Variants in GPC3 observed in about 807,000 individuals in gnomAD.
GPC3 encodes the protein glypican 3, also known as glypican-3.
A neutral mutation model predicts 34.4 loss-of-function variants in GPC3; 3 were observed. The observed-to-expected ratio is 0.09, with a 90% CI of 0.04 to 0.23. The LOEUF (loss-of-function observed/expected upper bound fraction) is 0.23. Among genes scored for constraint, GPC3 ranks in the 10% least tolerant of loss-of-function variants. GPC3 has a pLI of 1.00. For synonymous variants in GPC3, 177 were observed against 174.0 expected (o/e 1.02, Z -0.13); for missense variants, 351 against 445.6 (o/e 0.79, Z 1.91).
rs186738598 is a variant in GPC3 at position 133,960,491 on chromosome X, A to G, written c.176-7280T>C. ...TTTTAGTTAATAACTACAAATTGTC[A>G]AAAATCACATTAAAGAACAGAAAAA... On this transcript the variant is annotated intron_variant, in intron 1 of 7. Coordinates refer to ENST00000370818, the MANE Select transcript of GPC3 (RefSeq NM_004484.4). Among the ~76,000 whole-genome samples the G allele has an allele frequency of 6.5e-4, 73 of 112,042 alleles. No homozygotes were observed. The East Asian group carries it at 0.019, about 29-fold the overall frequency.
intron 2 of GPC3, among the ~76,000 whole-genome samples, chrX:133,930,343 C>A (rs983698534): frequency 2.7e-5 from 3 of 112,049 alleles, no homozygotes; most frequent in African/African-American, 9.7e-5. Context: ...CACAGGACAA[C>A]CTCCATGACA....
chrX:133,714,020 A>AT (rs2071293473), intron 3 of GPC3, among the ~76,000 whole-genome samples: 1 of 112,586 alleles, frequency 8.9e-6, no homozygotes, highest in Non-Finnish European at 1.9e-5. Flanking sequence ...TGTAAGATAG[A>AT]TTTTAACATA....
At chrX:133,948,969 C>T (rs2076381239) in intron 2 of GPC3, among the ~76,000 whole-genome samples, 1 of 112,100 alleles carries the variant, frequency 8.9e-6, no homozygotes, top group South Asian at 3.7e-4. Context: ...CTAGATAATG[C>T]ATGCATATGG....
chrX:133,826,742 T>A (rs1352655220), intron 2 of GPC3, among the ~76,000 whole-genome samples: 2 of 111,104 alleles, frequency 1.8e-5, no homozygotes, highest in African/African-American at 6.5e-5. Context: ...CCTAGACACA[T>A]CATAATGAAA....
chrX:133,597,478 C>T (rs1229523433), intron 6 of GPC3, among the ~76,000 whole-genome samples: 1 of 111,789 alleles, frequency 8.9e-6, no homozygotes, highest in Admixed American at 9.5e-5. Flanking sequence ...TAGATCCAAC[C>T]CCTACTTTTA....
chrX:133,868,211 C>G (rs1412476120), intron 2 of GPC3, among the ~76,000 whole-genome samples: 1 of 111,580 alleles, frequency 9.0e-6, no homozygotes, highest in African/African-American at 3.3e-5. Context: ...GCACCCACCC[C>G]TAGATACTAC....
chrX:133,962,991 C>T (rs1380064923), intron 1 of GPC3, among the ~76,000 whole-genome samples: 1 of 112,044 alleles, frequency 8.9e-6, no homozygotes, highest in Non-Finnish European at 1.9e-5. Context: ...ATTGGACTAG[C>T]AAATCTAAGT....
chrX:133,758,358 A>G (rs919331378), intron 2 of GPC3, among the ~76,000 whole-genome samples: 5 of 112,114 alleles, frequency 4.5e-5, no homozygotes, highest in African/African-American at 1.6e-4. Context: ...ATCTTGGAAT[A>G]CTATGCAGCC....
chrX:133,811,388 T>C (rs1005114096), intron 2 of GPC3, among the ~76,000 whole-genome samples: 2 of 111,881 alleles, frequency 1.8e-5, no homozygotes, highest in Non-Finnish European at 3.8e-5. Flanking sequence ...TAAAGAGATA[T>C]AAGGACTGTC....
At chrX:133,923,106 C>T (rs1397313516) in intron 2 of GPC3, among the ~76,000 whole-genome samples, 1 of 110,278 alleles carries the variant, frequency 9.1e-6, no homozygotes, top group Non-Finnish European at 1.9e-5. Flanking sequence ...CATCTGAGCA[C>T]CCTTTACCAA....
intron 6 of GPC3, among the ~76,000 whole-genome samples, chrX:133,631,917 T>TA (rs757410921): frequency 0.011 from 1,206 of 105,096 alleles, 18 homozygotes; most frequent in African/African-American, 0.038. Context: ...GAGCACGTAT[T>TA]AAAAAAAAAA....
intron 5 of GPC3, among the ~76,000 whole-genome samples, chrX:133,678,233 T>C (rs1569412183): frequency 8.9e-6 from 1 of 112,177 alleles, no homozygotes; most frequent in African/African-American, 3.2e-5. Context: ...CTCCATAGAA[T>C]GGTTAGTTAT....
intron 2 of GPC3, among the ~76,000 whole-genome samples, chrX:133,831,275 A>T (rs1349914380): frequency 8.9e-6 from 1 of 112,354 alleles, no homozygotes; most frequent in Non-Finnish European, 1.9e-5. Context: ...CTGACTTAGT[A>T]GTATTGTGCC....
rs1366000274 is a variant in GPC3, at chrX:133,916,888, G to T, written c.337+36162C>A. ...AGTGAGATCCTGTCTCAATGATGAT[G>T]ATGATAATAATAATAATAAATAACC... On this transcript the variant is annotated intron_variant, in intron 2 of 7. Transcript: ENST00000370818. Among the ~76,000 whole-genome samples, 3 of 110,649 alleles carry T rather than the reference G, an allele frequency of 2.7e-5. No homozygotes were observed. The East Asian group carries it at 8.5e-4, about 31-fold the overall frequency.
At chrX:133,940,147 C>G (rs1473882048) in intron 2 of GPC3, among the ~76,000 whole-genome samples, 6 of 111,233 alleles carry the variant, frequency 5.4e-5, no homozygotes, top group African/African-American at 2.0e-4. Context: ...GTACAATTAA[C>G]TCACCCTAGT....
chrX:133,809,808 C>T (rs955488144), intron 2 of GPC3, among the ~76,000 whole-genome samples: 2 of 111,546 alleles, frequency 1.8e-5, no homozygotes, highest in African/African-American at 6.5e-5. Flanking sequence ...CCTTGTTTCC[C>T]TGTGTCCTAA....
At chrX:133,702,722 T>A (rs910761026) in intron 3 of GPC3, among the ~76,000 whole-genome samples, 2 of 111,592 alleles carry the variant, frequency 1.8e-5, no homozygotes, top group Non-Finnish European at 3.8e-5. Flanking sequence ...TATAGTATTA[T>A]CAAGCCAACT....
intron 7 of GPC3, among the ~76,000 whole-genome samples, chrX:133,588,349 G>T (rs1739255017): frequency 9.0e-6 from 1 of 110,636 alleles, no homozygotes; most frequent in African/African-American, 3.3e-5. Context: ...TCCGAGTTCT[G>T]CATAGGACCT....
intron 2 of GPC3, among the ~76,000 whole-genome samples, chrX:133,813,052 C>T (rs778607217): frequency 8.9e-6 from 1 of 112,949 alleles, no homozygotes; most frequent in Non-Finnish European, 1.9e-5. Context: ...GAGAAACTCT[C>T]TTTCTGAGAA....
Sources: gnomAD v4.1 joint callset for allele counts (sites outside exome capture counted in the v4.1 genomes callset) on GRCh38, gnomAD v4.1.1 for gene constraint, MANE v1.5 for transcripts, NCBI Gene and HGNC (gene_info 2026-07-23, HGNC 2026-07-21) for gene names.